KCNIP4: variants seen among roughly 807,000 people sequenced by gnomAD.
The protein encoded by KCNIP4 is potassium voltage-gated channel interacting protein 4.
In KCNIP4, 12 loss-of-function variants were observed where a neutral mutation model predicts 34.0. The ratio of observed to expected loss-of-function variants is 0.35; its 90% CI spans 0.23 to 0.57. KCNIP4 has a LOEUF of 0.57. Ranked by LOEUF, KCNIP4 falls within the 20% of genes least tolerant of loss-of-function variation. The pLI is 0.83. For missense variants in KCNIP4, 238 were observed against 311.7 expected (o/e 0.76, Z 1.78); for synonymous variants, 124 against 102.2 (o/e 1.21, Z -1.29).
At chr4:20,731,189 C>T (rs1481259825) in intron 8 of KCNIP4, 1 of 155,858 alleles carries the variant, frequency 6.4e-6, no homozygotes, top group African/African-American at 2.4e-5. Flanking sequence ...CCTGCCTCAG[C>T]CTCCCAAGTA....
At chr4:21,672,885 C>T (rs190511935) in intron 1 of KCNIP4, among the ~76,000 whole-genome samples, 143 of 152,312 alleles carry the variant, frequency 9.4e-4, no homozygotes, top group African/African-American at 3.2e-3. Flanking sequence ...AGATCTGCTG[C>T]CATCATGGCT....
chr4:20,919,474 C>A (rs1230706666), intron 1 of KCNIP4, among the ~76,000 whole-genome samples: 5 of 151,454 alleles, frequency 3.3e-5, no homozygotes, highest in African/African-American at 4.9e-5. Context: ...GAGGCCGAGG[C>A]GGGCAGATCC....
intron 1 of KCNIP4, among the ~76,000 whole-genome samples, chr4:21,472,641 C>T (rs796702688): frequency 3.9e-5 from 6 of 152,048 alleles, no homozygotes; most frequent in African/African-American, 1.4e-4. Flanking sequence ...TTTTTTCTTC[C>T]CCTTGGCTTC....
At position 21,948,527 on chromosome 4, in the gene KCNIP4, G is replaced by C. The variant is rs998165850; in HGVS notation, c.61+44C>G. On this transcript the variant is annotated intron_variant, in intron 1 of 8. Coordinates refer to ENST00000382152, the MANE Select transcript of KCNIP4 (RefSeq NM_025221.6). ...CAGCCGTCTTGGCTCGCGAGGGAAG[G>C]AGGGCGGAAGCGGGCGCCCGCTCGC... is the stretch of plus-strand genomic sequence containing the variant. The C allele has an allele frequency of 3.8e-6, 6 of 1,589,008 alleles. No homozygotes were observed. In the Admixed American group the frequency reaches 5.3e-5, roughly 14 times the overall value.
chr4:20,801,378 T>C (rs1220159045), intron 3 of KCNIP4, among the ~76,000 whole-genome samples: 1 of 151,922 alleles, frequency 6.6e-6, no homozygotes, highest in Non-Finnish European at 1.5e-5. Context: ...AGAAAATGCA[T>C]AGTCAAGTTC....
At chr4:21,904,930 A>G (rs1560174504) in intron 1 of KCNIP4, among the ~76,000 whole-genome samples, 1 of 152,182 alleles carries the variant, frequency 6.6e-6, no homozygotes, top group Non-Finnish European at 1.5e-5. Context: ...AAGTAACTTG[A>G]AAATCACTTA....
chr4:21,467,115 CACAAAA>C (rs1730046932), intron 1 of KCNIP4, among the ~76,000 whole-genome samples: 1 of 119,424 alleles, frequency 8.4e-6, no homozygotes, highest in Non-Finnish European at 1.9e-5. Flanking sequence ...CACACACACA[CACAAAA>C]CAGAACATAA....
chr4:21,247,578 C>CATACATATATATATATATAT (rs1577957688), intron 1 of KCNIP4, among the ~76,000 whole-genome samples: 1 of 133,998 alleles, frequency 7.5e-6, no homozygotes, highest in East Asian at 2.2e-4. Flanking sequence ...GATATAAATA[C>CATACATATATATATATATAT]ATATATATAT....
At chr4:21,717,539 C>T (rs1263737064) in intron 1 of KCNIP4, among the ~76,000 whole-genome samples, 2 of 152,110 alleles carry the variant, frequency 1.3e-5, no homozygotes, top group Non-Finnish European at 2.9e-5. Context: ...ACCAATGAGA[C>T]CATACCTCCC....
At chr4:21,406,199 G>A (rs550802473) in intron 1 of KCNIP4, among the ~76,000 whole-genome samples, 70 of 152,194 alleles carry the variant, frequency 4.6e-4, no homozygotes, top group Non-Finnish European at 8.2e-4. Context: ...AATGCTTCTC[G>A]GCCTCTTGCA....
At chr4:21,809,331 G>A (rs1038237103) in intron 1 of KCNIP4, among the ~76,000 whole-genome samples, 1 of 152,058 alleles carries the variant, frequency 6.6e-6, no homozygotes, top group Admixed American at 6.5e-5. Context: ...AGACTCAAAG[G>A]CTCACCCCAG....
At chr4:20,963,760 G>A (rs1458551103) in intron 1 of KCNIP4, among the ~76,000 whole-genome samples, 1 of 152,144 alleles carries the variant, frequency 6.6e-6, no homozygotes, top group Non-Finnish European at 1.5e-5. Context: ...GAGCAGGCTG[G>A]TGATTTCAGG....
chr4:21,923,902 G>A (rs1399874241), intron 1 of KCNIP4, among the ~76,000 whole-genome samples: 3 of 152,102 alleles, frequency 2.0e-5, no homozygotes, highest in Non-Finnish European at 4.4e-5. Context: ...AAAAACAGTG[G>A]TGTCACCAGA....
chr4:21,413,000 A>G (rs1384795723), intron 1 of KCNIP4, among the ~76,000 whole-genome samples: 2 of 152,192 alleles, frequency 1.3e-5, no homozygotes, highest in Non-Finnish European at 2.9e-5. Flanking sequence ...GAACACTGAT[A>G]TATCTCCTTG....
chr4:21,087,989 T>C (rs1483355941), intron 1 of KCNIP4, among the ~76,000 whole-genome samples: 1 of 152,198 alleles, frequency 6.6e-6, no homozygotes, highest in Non-Finnish European at 1.5e-5. Flanking sequence ...GCTTCATTGG[T>C]CATGCCACAA....
At chr4:21,131,876 C>G (rs919592591) in intron 1 of KCNIP4, among the ~76,000 whole-genome samples, 10 of 152,156 alleles carry the variant, frequency 6.6e-5, no homozygotes, top group Non-Finnish European at 1.0e-4. Context: ...TTGATCTAAA[C>G]CTTAGAAACA....
chr4:21,376,745 A>G (rs1720998753), intron 1 of KCNIP4, among the ~76,000 whole-genome samples: 1 of 152,326 alleles, frequency 6.6e-6, no homozygotes, highest in African/African-American at 2.4e-5. Flanking sequence ...GGGTCTTCAT[A>G]TCCCAAGACC....
intron 1 of KCNIP4, among the ~76,000 whole-genome samples, chr4:20,901,537 C>T (rs1727153241): frequency 6.6e-6 from 1 of 152,110 alleles, no homozygotes; most frequent in Non-Finnish European, 1.5e-5. Flanking sequence ...AATCTTAATT[C>T]ATTATGAATG....
rs1747108980 is a variant in KCNIP4 at position 20,729,277 on chromosome 4, CTTG to C, written c.*802_*804del. 6.6e-6 allele frequency: 1 copy of C among 152,322 alleles called. No homozygotes were observed. Among genetic ancestry groups the C allele is most frequent in the African/African-American group, 2.4e-5 (1 of 41,414 alleles). 9.4% of individuals were successfully genotyped at this position (152,322 alleles called of 1,614,324 possible). A position where few individuals can be genotyped will look rare whatever the true frequency, so the allele number is the denominator to read the frequency against. Reference sequence around the variant, plus strand: ...CCCTTTGCATATGTCTGTAAACATCCTTGTTTTGTTTGATGCCTTCTTCAACTT... The same window carrying C: ...CCCTTTGCATATGTCTGTAAACATCCTTTTGTTTGATGCCTTCTTCAACTT... On this transcript the variant is annotated 3_prime_UTR_variant, in exon 9 of 9. Coordinates refer to ENST00000382152, the MANE Select transcript of KCNIP4 (RefSeq NM_025221.6).
Sources: gnomAD v4.1 joint callset for allele counts (sites outside exome capture counted in the v4.1 genomes callset) on GRCh38, gnomAD v4.1.1 for gene constraint, MANE v1.5 for transcripts, NCBI Gene and HGNC (gene_info 2026-07-23, HGNC 2026-07-21) for gene names.